The following OSBPL9 variants were observed in gnomAD, a reference collection of about 807,000 sequenced individuals.
The protein encoded by OSBPL9 is oxysterol binding protein like 9.
A neutral mutation model predicts 106.6 loss-of-function variants in OSBPL9; 40 were observed. That is an observed-to-expected ratio of 0.38 (90% CI 0.29 to 0.49). OSBPL9 has a LOEUF of 0.49. OSBPL9 is among the 20% of genes least tolerant of loss of function. OSBPL9 has a pLI of 0.97. For missense variants in OSBPL9, 609 were observed against 887.2 expected (o/e 0.69, Z 3.98); for synonymous variants, 269 against 295.4 (o/e 0.91, Z 0.92).
chr1:51,610,281 A>T (rs904974499), intron 2 of OSBPL9, among the ~76,000 whole-genome samples: 1 of 148,644 alleles, frequency 6.7e-6, no homozygotes, highest in African/African-American at 2.5e-5. Flanking sequence ...GTTGTTGTTG[A>T]GATGGAGTCT....
chr1:51,761,295 T>A (rs1190208592), intron 10 of OSBPL9, among the ~76,000 whole-genome samples: 1 of 152,032 alleles, frequency 6.6e-6, no homozygotes, highest in Non-Finnish European at 1.5e-5. Flanking sequence ...TGCAATTTTT[T>A]AAAAACTGGC....
At chr1:51,570,210 C>T in the OSBPL9 span, among the ~76,000 whole-genome samples, 4 of 152,266 alleles carry the variant, frequency 2.6e-5, no homozygotes, top group Non-Finnish European at 4.4e-5. Flanking sequence ...ACCATAGCCT[C>T]GTAGATCAAA....
Position 51,600,740 on chromosome 1 carries a change from T to TG in OSBPL9, c.-353+2548dup, listed in dbSNP as rs1645322194. Among the ~76,000 whole-genome samples the TG allele has an allele frequency of 2.0e-5, 3 of 152,204 alleles. No individual in the cohort carries two copies. The South Asian group carries it at 6.2e-4, about 31-fold the overall frequency. Reference sequence around the variant, plus strand: ...AGGATTACTTGAGGTACTTAGAAGTTGCATAACATCAGAAACCAAGTCCGA... The same window carrying TG: ...AGGATTACTTGAGGTACTTAGAAGTTGGCATAACATCAGAAACCAAGTCCGA... On this transcript the variant is annotated intron_variant, in intron 2 of 25. Transcript: ENST00000371714.
At chr1:51,723,404 A>T (rs1464813149) in intron 4 of OSBPL9, among the ~76,000 whole-genome samples, 3 of 152,194 alleles carry the variant, frequency 2.0e-5, no homozygotes, top group African/African-American at 7.2e-5. Context: ...CACAGTATGC[A>T]GCCTTTTCAA....
intron 3 of OSBPL9, among the ~76,000 whole-genome samples, chr1:51,688,731 T>A (rs548237963): frequency 6.6e-6 from 1 of 152,328 alleles, no homozygotes; most frequent in Non-Finnish European, 1.5e-5. Context: ...TCATTGTAAG[T>A]CCTAAATGTA....
chr1:51,765,263 A>C (rs1315315976), intron 11 of OSBPL9, among the ~76,000 whole-genome samples: 1 of 152,046 alleles, frequency 6.6e-6, no homozygotes, highest in East Asian at 1.9e-4. Context: ...CTCTATTTTT[A>C]TCTCCACCTC....
At chr1:51,779,169 G>A (rs1031942941) in intron 15 of OSBPL9, among the ~76,000 whole-genome samples, 5 of 152,110 alleles carry the variant, frequency 3.3e-5, no homozygotes, top group Non-Finnish European at 5.9e-5. Flanking sequence ...AGATATATAC[G>A]TTTGTCAAAT....
chr1:51,629,672 G>T (rs1264835633), intron 1 of OSBPL9, among the ~76,000 whole-genome samples: 1 of 152,112 alleles, frequency 6.6e-6, no homozygotes, highest in African/African-American at 2.4e-5. Context: ...AATGTGGCTC[G>T]GTGCAGTGGC....
At chr1:51,584,711 C>T (rs1320367363) in intron 1 of OSBPL9, among the ~76,000 whole-genome samples, 2 of 151,816 alleles carry the variant, frequency 1.3e-5, no homozygotes, top group Non-Finnish European at 2.9e-5. Flanking sequence ...AGCAAGACTC[C>T]GTCTCAAAAT....
At chr1:51,588,776 A>G (rs1645259550) in intron 1 of OSBPL9, among the ~76,000 whole-genome samples, 2 of 152,230 alleles carry the variant, frequency 1.3e-5, no homozygotes, top group South Asian at 4.1e-4. Flanking sequence ...CTTGGCTCAT[A>G]TGAGCATTTG....
chr1:51,746,821 A>T, intron 6 of OSBPL9, 64 bp downstream of exon 6: 1 of 1,316,322 alleles, frequency 7.6e-7, no homozygotes, highest in Admixed American at 2.0e-5. Context: ...GAGAACACTA[A>T]GTATCTTAGT....
chr1:51,565,394 C>T, the OSBPL9 span: 1 of 152,176 alleles, frequency 6.6e-6, no homozygotes, highest in Non-Finnish European at 1.5e-5. Flanking sequence ...CTGCTGTTCC[C>T]TGAGTCTGGA....
intron 1 of OSBPL9, among the ~76,000 whole-genome samples, chr1:51,586,043 G>A (rs994583996): frequency 3.3e-5 from 5 of 151,052 alleles, no homozygotes; most frequent in Admixed American, 2.0e-4. Context: ...CATAGGTGGC[G>A]CACACCTGTA....
intron 20 of OSBPL9, 166 bp from the exon 21 acceptor site, chr1:51,785,642 T>G: frequency 1.7e-6 from 1 of 590,390 alleles, no homozygotes; most frequent in Admixed American, 3.4e-5. Context: ...TTGAAGGCCC[T>G]CATTCTTATA....
intron 4 of OSBPL9, among the ~76,000 whole-genome samples, chr1:51,732,098 T>C (rs1664590193): frequency 6.6e-6 from 1 of 152,230 alleles, no homozygotes; most frequent in South Asian, 2.1e-4. Flanking sequence ...TCTGTTGATA[T>C]TAAGATTAGT....
intron 21 of OSBPL9, 69 bp downstream of exon 21, chr1:51,785,955 C>A: frequency 7.8e-7 from 1 of 1,278,016 alleles, no homozygotes; most frequent in Non-Finnish European, 1.1e-6. Flanking sequence ...TTTCTGGCTT[C>A]CTTCATTAGT....
chr1:51,616,927 A>T, upstream of OSBPL9: 1 of 1,095,528 alleles, frequency 9.1e-7, no homozygotes, highest in Non-Finnish European at 1.3e-6. Context: ...CATCCGTGGC[A>T]TGGAGTCCTA....
At chr1:51,530,181 A>AAC in the OSBPL9 span, among the ~76,000 whole-genome samples, 16 of 121,604 alleles carry the variant, frequency 1.3e-4, no homozygotes, top group African/African-American at 5.6e-4. Flanking sequence ...AAAAAAAAAA[A>AAC]AAAAAAAAAA....
intron 2 of OSBPL9, among the ~76,000 whole-genome samples, chr1:51,611,980 AAATAAATG>A (rs1339803208): frequency 4.6e-5 from 7 of 152,188 alleles, no homozygotes; most frequent in Non-Finnish European, 8.8e-5. Flanking sequence ...GTCTCTAAAT[AAATAAATG>A]AATAAATACA....
Sources: gnomAD v4.1 joint callset for allele counts (sites outside exome capture counted in the v4.1 genomes callset) on GRCh38, gnomAD v4.1.1 for gene constraint, MANE v1.5 for transcripts, NCBI Gene and HGNC (gene_info 2026-07-23, HGNC 2026-07-21) for gene names.